The following GOLM2 variants were observed in gnomAD, a reference collection of about 807,000 sequenced individuals.
The protein encoded by GOLM2 is protein GOLM2.
Under a neutral mutation model 55.9 loss-of-function variants are expected in GOLM2, and 26 were observed. That is an observed-to-expected ratio of 0.47 (90% CI 0.34 to 0.65). The LOEUF (loss-of-function observed/expected upper bound fraction) is 0.65. GOLM2 is among the 30% of genes least tolerant of loss of function. GOLM2 has a pLI of 0.01. For missense variants in GOLM2, 486 were observed against 531.8 expected (o/e 0.91, Z 0.85); for synonymous variants, 165 against 194.6 (o/e 0.85, Z 1.27).
chr15:44,323,580 G>A (rs1208021094), intron 2 of GOLM2, among the ~76,000 whole-genome samples: 1 of 150,216 alleles, frequency 6.7e-6, no homozygotes, highest in East Asian at 1.9e-4. Context: ...AAAAAAAAAA[G>A]CCCTGCAATC....
At chr15:44,305,082 C>T (rs991111426) in intron 1 of GOLM2, among the ~76,000 whole-genome samples, 5 of 152,128 alleles carry the variant, frequency 3.3e-5, no homozygotes, top group Admixed American at 3.3e-4. Flanking sequence ...TCACTGCAGC[C>T]TTGACCTCCC....
At chr15:44,362,934 C>A (rs1329698485) in intron 6 of GOLM2, among the ~76,000 whole-genome samples, 1 of 152,114 alleles carries the variant, frequency 6.6e-6, no homozygotes, top group Admixed American at 6.6e-5. Context: ...GAAAAACAAG[C>A]AATGGGGAAA....
intron 6 of GOLM2, among the ~76,000 whole-genome samples, chr15:44,363,505 C>T (rs1294290816): frequency 2.0e-5 from 3 of 152,202 alleles, no homozygotes; most frequent in Admixed American, 1.3e-4. Flanking sequence ...TATCATCTCA[C>T]ACCAGTTAGA....
At chr15:44,306,511 T>C (rs904002022) in intron 1 of GOLM2, among the ~76,000 whole-genome samples, 2 of 152,226 alleles carry the variant, frequency 1.3e-5, no homozygotes, top group African/African-American at 2.4e-5. Flanking sequence ...CTGTTTTGCC[T>C]TCTCGTTATT....
rs1236459705 is a variant in GOLM2, at chr15:44,413,710, G to C, written c.*304G>C. The C allele has an allele frequency of 4.1e-6, 1 of 243,924 alleles. No individual in the cohort carries two copies. The highest frequency in any genetic ancestry group is 7.9e-6 in the Non-Finnish European group (1 of 126,726). 15.1% of individuals were successfully genotyped at this position (243,924 alleles called of 1,614,324 possible). ...TTGAGCCGACTTATTTCCACAAATA[G>C]ATAAACAGGACAAAATAGTTGTACA... is the stretch of plus-strand genomic sequence containing the variant. On this transcript the variant is annotated 3_prime_UTR_variant, in exon 10 of 10. Coordinates refer to ENST00000299957, the MANE Select transcript of GOLM2 (RefSeq NM_138423.4).
chr15:44,393,166 G>A (rs1007969942), intron 8 of GOLM2, among the ~76,000 whole-genome samples: 10 of 152,076 alleles, frequency 6.6e-5, no homozygotes, highest in African/African-American at 2.4e-4. Context: ...AATGTATTTA[G>A]CAAAGTTATT....
intron 8 of GOLM2, among the ~76,000 whole-genome samples, chr15:44,382,936 A>G (rs920419937): frequency 1.3e-5 from 2 of 150,978 alleles, no homozygotes; most frequent in Admixed American, 6.6e-5. Context: ...AAAAAAAAAA[A>G]AAGAAAAGAG....
chr15:44,352,379 G>A (rs896243744), intron 6 of GOLM2, among the ~76,000 whole-genome samples: 11 of 152,076 alleles, frequency 7.2e-5, no homozygotes, highest in Admixed American at 7.2e-4. Context: ...ACAGAAGATC[G>A]AAACTAGCTC....
At chr15:44,293,582 A>G (rs780226594) in intron 1 of GOLM2, among the ~76,000 whole-genome samples, 2 of 152,132 alleles carry the variant, frequency 1.3e-5, no homozygotes, top group Admixed American at 6.6e-5. Context: ...ATGTCCCTCA[A>G]TTGGGAATTG....
Position 44,288,848 on chromosome 15 carries a change from G to C in GOLM2, c.-182G>C. ...GTTTTGGCCTGATTTGAGGAGGGGG[G>C]CGGGGAGGGACCTGCGGCTTGCGGC... On this transcript the variant is annotated 5_prime_UTR_variant, in exon 1 of 10. Transcript: ENST00000299957. The C allele has an allele frequency of 1.7e-6, 1 of 598,078 alleles. No homozygotes were observed. The highest frequency in any genetic ancestry group is 2.0e-5 in the South Asian group (1 of 49,220). The allele number at this position is 598,078 out of a possible 1,614,324, so 37.0% of individuals were successfully genotyped here. A position where few individuals can be genotyped will look rare whatever the true frequency, so the allele number is the denominator to read the frequency against.
rs1288073168 is a variant in GOLM2, at chr15:44,332,012, G to A, written c.510G>A (p.Lys170=). The A allele has an allele frequency of 2.5e-6, 4 of 1,605,878 alleles. No individual in the cohort carries two copies. The highest frequency in any genetic ancestry group is 3.4e-6 in the Non-Finnish European group (4 of 1,175,418). Residue 170 remains lysine, a synonymous_variant, in exon 4 of 10, where the codon AAG becomes AAA. Transcript: ENST00000299957. ...YESFQCGQQM[K]ELRAQHEENI... ...GTTTTCAGTGTGGACAGCAGATGAAGGAATTGAGAGCACAGCATGAAGAAA... is the reference window on the plus strand; with the variant it reads ...GTTTTCAGTGTGGACAGCAGATGAAAGAATTGAGAGCACAGCATGAAGAAA...
In GOLM2 at chr15:44,413,634, A is replaced by G. The variant is rs1440501785; in HGVS notation, c.*228A>G. 1 of 424,870 alleles carries G rather than the reference A, an allele frequency of 2.4e-6. No individual in the cohort carries two copies. Among genetic ancestry groups the G allele is most frequent in the African/African-American group, 2.0e-5 (1 of 48,786 alleles). The allele number at this position is 424,870 out of a possible 1,614,324, so 26.3% of individuals were successfully genotyped here. A position where few individuals can be genotyped will look rare whatever the true frequency, so the allele number is the denominator to read the frequency against. The stretch of plus-strand genomic sequence containing the variant: ...TTTGGTTATGATACAGTTAAGCCAA[A>G]AACAGCTAATCTTTGCATCTAAAGC... On this transcript the variant is annotated 3_prime_UTR_variant, in exon 10 of 10. Coordinates refer to ENST00000299957, the MANE Select transcript of GOLM2 (RefSeq NM_138423.4).
intron 1 of GOLM2, among the ~76,000 whole-genome samples, chr15:44,294,891 C>G (rs1361605024): frequency 6.7e-6 from 1 of 149,732 alleles, no homozygotes; most frequent in African/African-American, 2.5e-5. Flanking sequence ...AAGACTCTGT[C>G]TCACAAAAAA....
chr15:44,348,506 A>G (rs947285075), intron 6 of GOLM2: 3 of 152,244 alleles, frequency 2.0e-5, no homozygotes, highest in Non-Finnish European at 4.4e-5. Context: ...TGCAGTAGAA[A>G]GAATACCAGG....
At chr15:44,313,841 A>G (rs544388715) in intron 1 of GOLM2, among the ~76,000 whole-genome samples, 1 of 152,338 alleles carries the variant, frequency 6.6e-6, no homozygotes, top group South Asian at 2.1e-4. Flanking sequence ...AAGCACCACA[A>G]TAAAATAAAA....
rs1555425016 is a variant in GOLM2, at chr15:44,369,723, C to CACACACACAT, written c.803-9966_803-9965insCACACACATA. Among the ~76,000 whole-genome samples the CACACACACAT allele has an allele frequency of 1.4e-4, 19 of 140,650 alleles. No homozygotes were observed. In the East Asian group the frequency reaches 1.9e-3, roughly 14 times the overall value. 92.3% of individuals were successfully genotyped at this position (140,650 alleles called of 152,430 possible). A position where few individuals can be genotyped will look rare whatever the true frequency, so the allele number is the denominator to read the frequency against. On this transcript the variant is annotated intron_variant, in intron 6 of 9. Transcript: ENST00000299957. ...ACACACACACACACACACACACACA[C>CACACACACAT]ATATATATATAAAGGGGAGTTTATT...
intron 8 of GOLM2, chr15:44,382,341 T>A (rs1404261245): frequency 6.6e-6 from 1 of 152,054 alleles, no homozygotes; most frequent in Non-Finnish European, 1.5e-5. Context: ...GGAGTCTCAC[T>A]CTGTCACCCA....
At chr15:44,396,448 C>T (rs923601991) in intron 8 of GOLM2, among the ~76,000 whole-genome samples, 4 of 152,150 alleles carry the variant, frequency 2.6e-5, no homozygotes, top group African/African-American at 7.2e-5. Context: ...TTTCTCATAC[C>T]TTCCCAATAA....
At chr15:44,294,288 A>T (rs1015062243) in intron 1 of GOLM2, among the ~76,000 whole-genome samples, 1 of 152,194 alleles carries the variant, frequency 6.6e-6, no homozygotes, top group Non-Finnish European at 1.5e-5. Flanking sequence ...TTAGAAACCA[A>T]GGTCTGCAGC....
Sources: allele counts gnomAD v4.1 joint callset (sites outside exome capture counted in the v4.1 genomes callset), GRCh38; gene constraint gnomAD v4.1.1; transcripts MANE v1.5; gene names NCBI Gene and HGNC (gene_info 2026-07-23, HGNC 2026-07-21).